ARHGAP26: variants seen among roughly 807,000 people sequenced by gnomAD.
ARHGAP26 encodes the protein rho GTPase-activating protein 26.
In ARHGAP26, 38 loss-of-function variants were observed where a neutral mutation model predicts 104.8. That is an observed-to-expected ratio of 0.36 (90% CI 0.28 to 0.48). The LOEUF is 0.48. Among genes scored for constraint, ARHGAP26 ranks in the 20% least tolerant of loss-of-function variants. The pLI is 0.99. For missense variants in ARHGAP26, 704 were observed against 947.9 expected (o/e 0.74, Z 3.38); for synonymous variants, 341 against 340.0 (o/e 1.00, Z -0.03).
chr5:143,114,901 G>A (rs1215857207), intron 17 of ARHGAP26, among the ~76,000 whole-genome samples: 1 of 152,168 alleles, frequency 6.6e-6, no homozygotes, highest in East Asian at 1.9e-4. Flanking sequence ...TTGTATGGTG[G>A]GGGAGAACTT....
At chr5:143,057,297 C>T (rs1246894181) in intron 16 of ARHGAP26, among the ~76,000 whole-genome samples, 1 of 152,168 alleles carries the variant, frequency 6.6e-6, no homozygotes, top group Non-Finnish European at 1.5e-5. Context: ...AAGTTCCTTA[C>T]TTCCTTGAAA....
At chr5:143,101,808 A>C (rs191527964) in intron 17 of ARHGAP26, among the ~76,000 whole-genome samples, 8 of 151,680 alleles carry the variant, frequency 5.3e-5, no homozygotes, top group Non-Finnish European at 1.0e-4. Context: ...ACTGGACAAG[A>C]TAGGGAGAGA....
chr5:142,999,862 G>A (rs549360901), intron 11 of ARHGAP26, among the ~76,000 whole-genome samples: 7 of 152,094 alleles, frequency 4.6e-5, no homozygotes, highest in African/African-American at 1.2e-4. Context: ...GGACATATTC[G>A]CAAACCATAT....
At chr5:142,972,557 C>T (rs2152704319) in intron 11 of ARHGAP26, among the ~76,000 whole-genome samples, 1 of 152,150 alleles carries the variant, frequency 6.6e-6, no homozygotes, top group South Asian at 2.1e-4. Context: ...GTGTTTAAGG[C>T]ATACAACATG....
chr5:143,006,066 A>G (rs892780189), intron 11 of ARHGAP26, among the ~76,000 whole-genome samples: 3 of 152,262 alleles, frequency 2.0e-5, no homozygotes, highest in African/African-American at 4.8e-5. Context: ...GGTGGAACAT[A>G]GAAAATAAAT....
intron 17 of ARHGAP26, among the ~76,000 whole-genome samples, chr5:143,119,612 G>A (rs3776303): frequency 0.18 from 27,781 of 152,088 alleles, 5,313 homozygotes; most frequent in African/African-American, 0.48. Context: ...GAAAATGTTT[G>A]TAAAATATTC....
At chr5:142,923,857 CTTTTTT>C (rs11389284) in intron 10 of ARHGAP26, among the ~76,000 whole-genome samples, 1 of 105,870 alleles carries the variant, frequency 9.4e-6, no homozygotes, top group South Asian at 3.8e-4. Flanking sequence ...GGATCAGATC[CTTTTTT>C]TTTTTTTTTT....
chr5:143,032,757 C>A (rs960587239), intron 12 of ARHGAP26, among the ~76,000 whole-genome samples: 1 of 152,042 alleles, frequency 6.6e-6, no homozygotes, highest in Non-Finnish European at 1.5e-5. Flanking sequence ...ATAATAAAAC[C>A]GTTGTTAATT....
At chr5:143,024,142 A>G (rs777876452) in intron 12 of ARHGAP26, among the ~76,000 whole-genome samples, 1 of 152,148 alleles carries the variant, frequency 6.6e-6, no homozygotes, top group Non-Finnish European at 1.5e-5. Flanking sequence ...GGCTGGAGAG[A>G]GAAGAAGGGG....
chr5:142,857,798 C>T (rs913208146), intron 1 of ARHGAP26, among the ~76,000 whole-genome samples: 8 of 152,114 alleles, frequency 5.3e-5, no homozygotes, highest in African/African-American at 1.9e-4. Context: ...AGGTTTAGTG[C>T]TATTAGCTTC....
At chr5:143,176,725 A>C (rs1050978409) in intron 20 of ARHGAP26, among the ~76,000 whole-genome samples, 1 of 152,220 alleles carries the variant, frequency 6.6e-6, no homozygotes, top group Non-Finnish European at 1.5e-5. Context: ...CGTAAACCTA[A>C]GTAGCAGACC....
intron 1 of ARHGAP26, among the ~76,000 whole-genome samples, chr5:142,832,742 T>G (rs1205471102): frequency 6.6e-6 from 1 of 152,160 alleles, no homozygotes; most frequent in African/African-American, 2.4e-5. Context: ...ACAAAGATCA[T>G]GAAGAGCTTA....
chr5:143,165,393 G>T (rs1159332624), intron 20 of ARHGAP26: 1 of 152,240 alleles, frequency 6.6e-6, no homozygotes, highest in Non-Finnish European at 1.5e-5. Context: ...GGACTTTCTT[G>T]TACACGGTGC....
chr5:142,940,877 C>T (rs1056021557), intron 11 of ARHGAP26, among the ~76,000 whole-genome samples: 11 of 151,846 alleles, frequency 7.2e-5, no homozygotes. Flanking sequence ...GAGATCGAGA[C>T]CATCCTGGCT....
At chr5:143,080,117 T>G (rs1331492061) in intron 17 of ARHGAP26, among the ~76,000 whole-genome samples, 1 of 152,170 alleles carries the variant, frequency 6.6e-6, no homozygotes. Flanking sequence ...CCTTTATATG[T>G]AGGACTGCTA....
At chr5:143,103,190 C>CTT (rs1793504405) in intron 17 of ARHGAP26, 2 of 978,338 alleles carry the variant, frequency 2.0e-6, no homozygotes, top group Non-Finnish European at 2.4e-6. Flanking sequence ...TTGCTGCAGA[C>CTT]TAATTGTGCC....
intron 17 of ARHGAP26, among the ~76,000 whole-genome samples, chr5:143,078,200 G>C (rs1299237932): frequency 1.3e-5 from 2 of 152,192 alleles, no homozygotes; most frequent in African/African-American, 4.8e-5. Context: ...TCATTGCAGG[G>C]AAAGTAAGTC....
chr5:143,153,925 A>G (rs1308606386), intron 20 of ARHGAP26, among the ~76,000 whole-genome samples: 1 of 152,174 alleles, frequency 6.6e-6, no homozygotes, highest in East Asian at 1.9e-4. Context: ...TTCAAAGGAT[A>G]AACAAGGCCT....
At chr5:143,156,739 A>G (rs1800507278) in intron 20 of ARHGAP26, among the ~76,000 whole-genome samples, 1 of 152,212 alleles carries the variant, frequency 6.6e-6, no homozygotes, top group Non-Finnish European at 1.5e-5. Flanking sequence ...CTGTGCAGTG[A>G]TGACAGTACT....
Sources: allele counts gnomAD v4.1 joint callset (sites outside exome capture counted in the v4.1 genomes callset), GRCh38; gene constraint gnomAD v4.1.1; transcripts MANE v1.5; gene names NCBI Gene and HGNC (gene_info 2026-07-23, HGNC 2026-07-21).